SLC26A7: variants seen among roughly 807,000 people sequenced by gnomAD.
SLC26A7 encodes solute carrier family 26 member 7, also known as anion exchange transporter.
SLC26A7 carries 59 observed loss-of-function variants against 82.5 expected under a neutral mutation model. That is an observed-to-expected ratio of 0.72 (90% CI 0.58 to 0.89). The LOEUF is 0.89. Ranked by LOEUF, SLC26A7 falls within the 40% of genes least tolerant of loss-of-function variation. SLC26A7 has a pLI of 0.00. For synonymous variants in SLC26A7, 271 were observed against 274.3 expected (o/e 0.99, Z 0.12); for missense variants, 820 against 793.0 (o/e 1.03, Z -0.41).
At chr8:91,317,333 A>G (rs1812665678) in intron 4 of SLC26A7, among the ~76,000 whole-genome samples, 1 of 152,148 alleles carries the variant, frequency 6.6e-6, no homozygotes, top group Admixed American at 6.6e-5. Flanking sequence ...ATGTTGAAGG[A>G]CAATGATTTT....
intron 2 of SLC26A7, among the ~76,000 whole-genome samples, chr8:91,255,867 G>T (rs1244347510): frequency 6.6e-6 from 1 of 152,124 alleles, no homozygotes; most frequent in Non-Finnish European, 1.5e-5. Flanking sequence ...TGAAAACATG[G>T]CAAGGTTTGC....
Position 91,389,436 on chromosome 8 carries a change from G to A in SLC26A7, c.1774G>A (p.Glu592Lys), listed in dbSNP as rs781221719. 8 of 1,608,846 alleles carry A rather than the reference G, an allele frequency of 5.0e-6. No individual in the cohort carries two copies. The highest frequency in any genetic ancestry group is 1.3e-5 in the African/African-American group (1 of 74,824). Residue 592 changes from glutamate (E) to lysine (K), a missense_variant and splice_region_variant, in exon 16 of 19, where the codon GAG (glutamate) becomes AAG (lysine). Physicochemically the swap from Glu to Lys is moderately conservative, Grantham distance 56. Transcript: ENST00000276609. Reference sequence around the variant, plus strand: ...CTATTCTGGAGTCTCCATGCTTGTTGAGGTATTTATGGAACTTGTGTTTAG... The same window carrying A: ...CTATTCTGGAGTCTCCATGCTTGTTAAGGTATTTATGGAACTTGTGTTTAG... The part of the protein sequence containing the change: ...FDYSGVSMLV[E>K]VYMDCKGRSV...
chr8:91,394,457 A>C (rs756661485), intron 18 of SLC26A7: 64 of 1,396,136 alleles, frequency 4.6e-5, no homozygotes, highest in Admixed American at 9.7e-5. Flanking sequence ...CTTTGGAAAT[A>C]CTATTTGTAG....
At chr8:91,340,605 C>T in intron 8 of SLC26A7, 54 bp downstream of exon 8, 1 of 1,595,690 alleles carries the variant, frequency 6.3e-7, no homozygotes, top group Non-Finnish European at 8.6e-7. Context: ...GCACTGTGCA[C>T]TCCCAGATCC....
At chr8:91,292,033 C>T (rs1417620333) in intron 3 of SLC26A7, among the ~76,000 whole-genome samples, 3 of 152,092 alleles carry the variant, frequency 2.0e-5, no homozygotes, top group Non-Finnish European at 4.4e-5. Context: ...AGGCTGGGTG[C>T]GGTGGCTCAC....
At chr8:91,382,091 C>T (rs964237636) in intron 15 of SLC26A7, among the ~76,000 whole-genome samples, 2 of 152,128 alleles carry the variant, frequency 1.3e-5, no homozygotes, top group Non-Finnish European at 2.9e-5. Context: ...AGAATCCTCT[C>T]AACATGTTGT....
chr8:91,354,652 C>T (rs912436662), intron 11 of SLC26A7, among the ~76,000 whole-genome samples: 2 of 152,086 alleles, frequency 1.3e-5, no homozygotes, highest in Non-Finnish European at 2.9e-5. Context: ...TGCTTTAGCC[C>T]TTCAGGCATA....
chr8:91,363,208 C>A lies in SLC26A7; in HGVS notation c.1422-264C>A, dbSNP rs147081188. On this transcript the variant is annotated intron_variant, in intron 12 of 18. Transcript: ENST00000276609. ...AATACTGCATAATCTCTTGCCTTTT[C>A]TCTTTTAAAATTCTTCTTTACTAAT... 1.4e-4 allele frequency among the ~76,000 whole-genome samples: 22 copies of A among 152,010 alleles called. No homozygotes were observed. The East Asian group carries it at 4.2e-3, about 29-fold the overall frequency.
chr8:91,238,772 T>C (rs1286544764), intron 2 of SLC26A7, among the ~76,000 whole-genome samples: 4 of 151,930 alleles, frequency 2.6e-5, no homozygotes, highest in African/African-American at 9.7e-5. Context: ...TGTCAAAAAA[T>C]TCTGATCATC....
intron 1 of SLC26A7, among the ~76,000 whole-genome samples, chr8:91,211,022 G>A (rs1809904945): frequency 6.6e-6 from 1 of 152,052 alleles, no homozygotes; most frequent in Non-Finnish European, 1.5e-5. Flanking sequence ...CACCTACAAA[G>A]CAGCAGCAAT....
At chr8:91,233,362 T>A (rs1165727845) in intron 2 of SLC26A7, among the ~76,000 whole-genome samples, 1 of 151,372 alleles carries the variant, frequency 6.6e-6, no homozygotes, top group African/African-American at 2.4e-5. Flanking sequence ...AGGTCAGGAG[T>A]TCGAGACCAG....
Position 91,349,431 on chromosome 8 carries a change from A to G in SLC26A7, c.1141-2379A>G, listed in dbSNP as rs531933479. Among the ~76,000 whole-genome samples, 3 of 152,324 alleles carry G rather than the reference A, an allele frequency of 2.0e-5. No homozygotes were observed. The South Asian group carries it at 6.2e-4, about 32-fold the overall frequency. On this transcript the variant is annotated intron_variant, in intron 9 of 18. Coordinates refer to ENST00000276609, the MANE Select transcript of SLC26A7 (RefSeq NM_052832.4). ...ACAAAGCACCATGTAAATAAAAGAT[A>G]AATTAAATATTATTTAGAGAAAAGC...
intron 1 of SLC26A7, among the ~76,000 whole-genome samples, chr8:91,216,559 A>G (rs1255270500): frequency 1.3e-5 from 2 of 152,102 alleles, no homozygotes; most frequent in Admixed American, 6.6e-5. Context: ...TTTATTTTCA[A>G]TAGTTCTTTA....
intron 5 of SLC26A7, among the ~76,000 whole-genome samples, chr8:91,321,611 A>G (rs180734727): frequency 1.1e-3 from 172 of 152,300 alleles, no homozygotes; most frequent in Non-Finnish European, 2.1e-3. Flanking sequence ...AGTGGGTATA[A>G]TTAGGCCTAA....
intron 18 of SLC26A7, 170 bp downstream of exon 18, chr8:91,394,209 T>A (rs1220729629): frequency 7.0e-7 from 1 of 1,419,116 alleles, no homozygotes; most frequent in African/African-American, 1.7e-5. Flanking sequence ...GTTTCCATTC[T>A]TTTTTTAGGC....
intron 5 of SLC26A7, among the ~76,000 whole-genome samples, chr8:91,332,299 TATAG>T (rs1428354805): frequency 1.4e-5 from 2 of 143,288 alleles, no homozygotes; most frequent in Admixed American, 7.2e-5. Context: ...TGTATAATTA[TATAG>T]ATAAATTATA....
intron 2 of SLC26A7, among the ~76,000 whole-genome samples, chr8:91,259,921 C>G (rs1810915864): frequency 6.6e-6 from 1 of 152,054 alleles, no homozygotes; most frequent in African/African-American, 2.4e-5. Context: ...TTGGCTTACT[C>G]AACTAATGAA....
intron 16 of SLC26A7, among the ~76,000 whole-genome samples, chr8:91,390,042 G>A (rs1814912355): frequency 6.6e-6 from 1 of 151,400 alleles, no homozygotes; most frequent in Non-Finnish European, 1.5e-5. Flanking sequence ...ACAGATGGAA[G>A]AACACCTAAT....
intron 2 of SLC26A7, among the ~76,000 whole-genome samples, chr8:91,226,043 C>T (rs767737509): frequency 2.4e-4 from 36 of 152,170 alleles, no homozygotes; most frequent in Non-Finnish European, 5.0e-4. Flanking sequence ...TCTCTCAAAA[C>T]CATGTGTTGC....
Sources: allele counts gnomAD v4.1 joint callset (sites outside exome capture counted in the v4.1 genomes callset), GRCh38; gene constraint gnomAD v4.1.1; transcripts MANE v1.5; gene names NCBI Gene and HGNC (gene_info 2026-07-23, HGNC 2026-07-21).